The following WWOX variants were observed in gnomAD, a reference collection of about 807,000 sequenced individuals.
WWOX encodes WW domain-containing oxidoreductase.
A neutral mutation model predicts 46.2 loss-of-function variants in WWOX; 69 were observed. The observed-to-expected ratio is 1.49, with a 90% CI of 1.23 to 1.82. The LOEUF (loss-of-function observed/expected upper bound fraction) is 1.82. Ranked by LOEUF, WWOX falls within the 40% of genes most tolerant of loss-of-function variation. The pLI is 0.00. For synonymous variants in WWOX, 359 were observed against 202.6 expected, an observed-to-expected ratio of 1.77 and a Z score of -6.56; for missense variants, 919 against 542.6, an observed-to-expected ratio of 1.69 and a Z score of -6.89.
At chr16:78,817,140 G>T (rs374860894) in intron 8 of WWOX, among the ~76,000 whole-genome samples, 5 of 93,624 alleles carry the variant, frequency 5.3e-5, no homozygotes, top group East Asian at 3.2e-4. Flanking sequence ...ACATTTTCCT[G>T]TTGCCAGTTT....
At chr16:78,816,946 C>G (rs1597661734) in intron 8 of WWOX, among the ~76,000 whole-genome samples, 1 of 152,050 alleles carries the variant, frequency 6.6e-6, no homozygotes, top group Non-Finnish European at 1.5e-5. Flanking sequence ...TATTATTAGA[C>G]AGAAACAAAC....
chr16:78,374,783 C>T (rs560302158), intron 5 of WWOX, among the ~76,000 whole-genome samples: 1 of 151,966 alleles, frequency 6.6e-6, no homozygotes, highest in African/African-American at 2.4e-5. Flanking sequence ...ATCTCCTGAC[C>T]TTGTGGTCCG....
intron 8 of WWOX, among the ~76,000 whole-genome samples, chr16:78,954,538 C>T (rs956732425): frequency 1.1e-4 from 16 of 152,160 alleles, no homozygotes; most frequent in African/African-American, 3.6e-4. Flanking sequence ...CCAAATGCCC[C>T]ATTTCCTTTA....
chr16:78,796,739 A>G (rs549484059), intron 8 of WWOX, among the ~76,000 whole-genome samples: 1 of 152,146 alleles, frequency 6.6e-6, no homozygotes, highest in Non-Finnish European at 1.5e-5. Context: ...AGCATTCTTC[A>G]GTTCCCAACG....
intron 8 of WWOX, among the ~76,000 whole-genome samples, chr16:79,089,740 A>G (rs1188292383): frequency 6.6e-6 from 1 of 152,182 alleles, no homozygotes; most frequent in Non-Finnish European, 1.5e-5. Flanking sequence ...AGATTACCAT[A>G]TTAGTTGCCC....
chr16:79,005,471 A>T (rs532519273), intron 8 of WWOX, among the ~76,000 whole-genome samples: 4 of 152,140 alleles, frequency 2.6e-5, no homozygotes, highest in African/African-American at 4.8e-5. Context: ...TGGAGGCTCA[A>T]ATTTGCAAGT....
rs77706474 is a variant in WWOX, at chr16:78,983,700, G to A, written c.1057-227908G>A. ...CTAGTCTTGATCCCTGAATGACTGC[G>A]TGGAGCACATCTCCTTCTGGTCAAT... On this transcript the variant is annotated intron_variant, in intron 8 of 8. Coordinates refer to ENST00000566780, the MANE Select transcript of WWOX (RefSeq NM_016373.4). Among the ~76,000 whole-genome samples, 1,165 of 152,142 alleles carry A rather than the reference G, an allele frequency of 7.7e-3. 22 individuals carry two copies. The highest frequency in any genetic ancestry group is 0.026 in the African/African-American group (1,099 of 41,504).
chr16:78,561,759 C>A (rs1277074269), intron 8 of WWOX, among the ~76,000 whole-genome samples: 3 of 152,182 alleles, frequency 2.0e-5, no homozygotes, highest in East Asian at 3.9e-4. Context: ...GCAGACACGG[C>A]TTCACCTGTG....
At chr16:78,473,774 C>T (rs2084288874) in intron 8 of WWOX, among the ~76,000 whole-genome samples, 1 of 152,128 alleles carries the variant, frequency 6.6e-6, no homozygotes, top group Admixed American at 6.5e-5. Flanking sequence ...GAAGATACGG[C>T]AGCCCACCAG....
chr16:78,194,774 G>T (rs1432907041), intron 5 of WWOX, among the ~76,000 whole-genome samples: 4 of 143,224 alleles, frequency 2.8e-5, no homozygotes, highest in Admixed American at 2.8e-4. Context: ...ATCCCTGCCT[G>T]GTTTAACCAT....
chr16:78,841,406 T>G (rs900202322), intron 8 of WWOX, among the ~76,000 whole-genome samples: 2 of 152,342 alleles, frequency 1.3e-5, no homozygotes, highest in South Asian at 2.1e-4. Context: ...TTTGCCTGTT[T>G]CTTCCAAAAT....
chr16:78,437,517 C>T (rs1039956494), intron 8 of WWOX, among the ~76,000 whole-genome samples: 1 of 152,158 alleles, frequency 6.6e-6, no homozygotes, highest in Admixed American at 6.5e-5. Context: ...GAGAAACTCA[C>T]AGGAATCAAT....
intron 5 of WWOX, among the ~76,000 whole-genome samples, chr16:78,354,630 C>T (rs866347324): frequency 6.6e-6 from 1 of 151,888 alleles, no homozygotes; most frequent in East Asian, 1.9e-4. Context: ...TTTCTGAATT[C>T]CTTATTATAT....
chr16:78,358,906 G>A (rs537878037), intron 5 of WWOX, among the ~76,000 whole-genome samples: 12 of 134,518 alleles, frequency 8.9e-5, no homozygotes, highest in Non-Finnish European at 1.6e-4. Flanking sequence ...TAGTGGCCAT[G>A]TTTCTATGTC....
intron 6 of WWOX, among the ~76,000 whole-genome samples, chr16:78,405,536 A>G (rs540879160): frequency 2.0e-5 from 3 of 152,296 alleles, no homozygotes; most frequent in African/African-American, 4.8e-5. Context: ...TTGAATATTT[A>G]TTCAGGACAT....
chr16:78,800,332 T>G (rs1177633977), intron 8 of WWOX, among the ~76,000 whole-genome samples: 1 of 152,196 alleles, frequency 6.6e-6, no homozygotes, highest in Non-Finnish European at 1.5e-5. Flanking sequence ...CCGTGTGCTT[T>G]TAACACAAAG....
At chr16:78,794,312 T>C (rs2050682981) in intron 8 of WWOX, among the ~76,000 whole-genome samples, 1 of 152,148 alleles carries the variant, frequency 6.6e-6, no homozygotes, top group African/African-American at 2.4e-5. Context: ...GAAATAAATT[T>C]CTTTTTTTCA....
At chr16:78,445,427 A>G (rs1219890950) in intron 8 of WWOX, among the ~76,000 whole-genome samples, 1 of 152,184 alleles carries the variant, frequency 6.6e-6, no homozygotes, top group East Asian at 1.9e-4. Flanking sequence ...TTTGCTAGGG[A>G]CAGAATGCTG....
At chr16:78,389,492 G>C (rs957650517) in intron 6 of WWOX, among the ~76,000 whole-genome samples, 1 of 152,192 alleles carries the variant, frequency 6.6e-6, no homozygotes. Flanking sequence ...GACAAGAACA[G>C]CAGCGGAGTC....
Sources: gnomAD v4.1 joint callset for allele counts (sites outside exome capture counted in the v4.1 genomes callset) on GRCh38, gnomAD v4.1.1 for gene constraint, MANE v1.5 for transcripts, NCBI Gene and HGNC (gene_info 2026-07-23, HGNC 2026-07-21) for gene names.